The following CASP2 variants were observed in gnomAD, a reference collection of about 807,000 sequenced individuals.
CASP2 encodes caspase-2.
A neutral mutation model predicts 54.4 loss-of-function variants in CASP2; 38 were observed. That is an observed-to-expected ratio of 0.70 (90% CI 0.54 to 0.92). The LOEUF is 0.92. CASP2 is among the 40% of genes least tolerant of loss of function. The pLI is 0.00. For synonymous variants in CASP2, 215 were observed against 216.3 expected, an observed-to-expected ratio of 0.99 and a Z score of 0.05; for missense variants, 512 against 579.6, an observed-to-expected ratio of 0.88 and a Z score of 1.20.
intron 6 of CASP2, among the ~76,000 whole-genome samples, chr7:143,299,288 A>G (rs1321832656): frequency 6.6e-6 from 1 of 152,156 alleles, no homozygotes. Context: ...GTTCCAACTC[A>G]TGAAGCCAAG....
Position 143,303,814 on chromosome 7 carries a change from A to T in CASP2, c.998A>T (p.Asp333Val), listed in dbSNP as rs1205166028. The T allele has an allele frequency of 6.2e-7, 1 of 1,613,856 alleles. No individual in the cohort carries two copies. Among genetic ancestry groups the T allele is most frequent in the Non-Finnish European group, 8.5e-7 (1 of 1,179,944 alleles). ...DETDRGVDQQDGKNHAGSPGC... is the reference protein window; with the variant it reads ...DETDRGVDQQVGKNHAGSPGC... ...ACTGATCGTGGGGTTGACCAACAAG[A>T]TGGAAAGAACCACGCAGGATCCCCT... Residue 333 changes from aspartate (D) to valine (V), a missense_variant, in exon 9 of 11, where the codon GAT (aspartate) becomes GTT (valine). By Grantham distance (152) the Asp-to-Val change is radical. This residue lies in a region of CASP2 where 417 missense variants were observed against 495.4 expected (regional missense o/e 0.84). Coordinates refer to ENST00000310447, the MANE Select transcript of CASP2 (RefSeq NM_032982.4).
chr7:143,303,687 C>A, intron 8 of CASP2, 97 bp from the exon 9 acceptor site: 1 of 1,071,730 alleles, frequency 9.3e-7, no homozygotes, highest in Non-Finnish European at 1.4e-6. Flanking sequence ...TGGCTCTTCC[C>A]CTTCAAGGTT....
chr7:143,299,722 G>A (rs550350392), intron 6 of CASP2, among the ~76,000 whole-genome samples: 49 of 152,244 alleles, frequency 3.2e-4, no homozygotes, highest in African/African-American at 7.9e-4. Flanking sequence ...AGAATATTGT[G>A]TCTGAACTCA....
At chr7:143,300,725 CCT>C in intron 8 of CASP2, 1 of 1,193,912 alleles carries the variant, frequency 8.4e-7, no homozygotes, top group Non-Finnish European at 1.1e-6. Context: ...CATATACTTC[CCT>C]GTTTACCTAC....
intron 8 of CASP2, chr7:143,302,686 T>C (rs902209087): frequency 6.6e-6 from 1 of 152,232 alleles, no homozygotes; most frequent in Non-Finnish European, 1.5e-5. Flanking sequence ...CGACATTGCA[T>C]GGATCAGGAA....
At chr7:143,300,326 G>T (rs1421686487) in intron 8 of CASP2, 32 bp downstream of exon 8, 2 of 1,610,868 alleles carry the variant, frequency 1.2e-6, no homozygotes, top group Non-Finnish European at 1.7e-6. Flanking sequence ...CACCTGGGTG[G>T]TGGCTCCTGG....
intron 8 of CASP2, chr7:143,302,028 C>G (rs1801930019): frequency 6.6e-6 from 1 of 152,178 alleles, no homozygotes; most frequent in African/African-American, 2.4e-5. Flanking sequence ...AGGGCACTGC[C>G]TGATGCATGG....
chr7:143,304,671 C>T lies in CASP2; in HGVS notation c.1118-3C>T, dbSNP rs777797797. On this transcript the variant is annotated splice_region_variant and splice_polypyrimidine_tract_variant and intron_variant, in intron 9 of 10. Coordinates refer to ENST00000310447, the MANE Select transcript of CASP2 (RefSeq NM_032982.4). ...ACTGTGATTAATGCCCTTTTGGTTGCAGGGACTGCCGCCATGCGGAACACC... is the reference window on the plus strand; with the variant it reads ...ACTGTGATTAATGCCCTTTTGGTTGTAGGGACTGCCGCCATGCGGAACACC... 3 of 1,612,078 alleles carry T rather than the reference C, an allele frequency of 1.9e-6. No homozygotes were observed. The highest frequency in any genetic ancestry group is 1.7e-5 in the Admixed American group (1 of 60,016).
At chr7:143,301,869 G>A (rs900521651) in intron 8 of CASP2, 2 of 152,212 alleles carry the variant, frequency 1.3e-5, no homozygotes, top group Non-Finnish European at 2.9e-5. Flanking sequence ...GACATCAGCA[G>A]GTAAAAGTAA....
chr7:143,294,451 A>C, intron 5 of CASP2, 127 bp downstream of exon 5: 1 of 1,032,746 alleles, frequency 9.7e-7, no homozygotes, highest in Non-Finnish European at 1.5e-6. Flanking sequence ...TACTGGTTAA[A>C]TGCCTTCTGT....
chr7:143,303,929 C>T lies in CASP2; in HGVS notation c.1113C>T (p.Leu371=). The change falls in exon 9 of 11, where the codon CTC becomes CTT. Residue 371 remains leucine, a synonymous_variant. Transcript: ENST00000310447. ...ACATGATATGCGGCTATGCCTGCCT[C>T]AAAGGTACTTTGAGTTCCAAAAGAG... is the stretch of plus-strand genomic sequence containing the variant. ...RSDMICGYAC[L]KGTAAMRNTK... 1.3e-6 allele frequency: 2 copies of T among 1,591,042 alleles called. No homozygotes were observed. The highest frequency in any genetic ancestry group is 1.7e-6 in the Non-Finnish European group (2 of 1,168,176).
intron 6 of CASP2, among the ~76,000 whole-genome samples, chr7:143,295,336 ATTC>A (rs1217919407): frequency 2.6e-5 from 4 of 152,180 alleles, no homozygotes; most frequent in Non-Finnish European, 5.9e-5. Context: ...CTGGGAAAGT[ATTC>A]TTAACATTTG....
intron 5 of CASP2, 123 bp downstream of exon 5, chr7:143,294,447 T>C (rs1354337117): frequency 1.4e-5 from 14 of 1,022,932 alleles, no homozygotes; most frequent in Admixed American, 5.1e-5. Flanking sequence ...TTGTTACTGG[T>C]TAAATGCCTT....
At chr7:143,299,055 G>A (rs140835889) in intron 6 of CASP2, among the ~76,000 whole-genome samples, 9 of 151,922 alleles carry the variant, frequency 5.9e-5, no homozygotes, top group African/African-American at 1.9e-4. Flanking sequence ...AACTTCCTAG[G>A]CTCCAGTGAT....
Position 143,292,287 on chromosome 7 carries a change from T to G in CASP2, c.226-13T>G. 1 of 1,613,750 alleles carries G rather than the reference T, an allele frequency of 6.2e-7. No homozygotes were observed. The highest frequency in any genetic ancestry group is 8.5e-7 in the Non-Finnish European group (1 of 1,179,638). ...AAGTAAATATGATTTCATGTTTTAT[T>G]CTTGTGTCTTAGGCCAAAGTGGGCA... On this transcript the variant is annotated splice_polypyrimidine_tract_variant and intron_variant, in intron 2 of 10. Transcript: ENST00000310447.
chr7:143,297,635 CAG>C (rs1470202425), intron 6 of CASP2, among the ~76,000 whole-genome samples: 1 of 151,950 alleles, frequency 6.6e-6, no homozygotes, highest in Non-Finnish European at 1.5e-5. Flanking sequence ...TTAGTAGAGA[CAG>C]GGTTTCATCA....
rs113837507 is a variant in CASP2, at chr7:143,292,437, C to T, written c.363C>T (p.Thr121=). ...QGHLEDMLLT[T]LSGLQHVLPP... Reference sequence around the variant, plus strand: ...ACCTGGAGGATATGTTGCTCACCACCCTTTCTGGGCTTCAGCATGTACTCC... The same window carrying T: ...ACCTGGAGGATATGTTGCTCACCACTCTTTCTGGGCTTCAGCATGTACTCC... Residue 121 remains threonine (T), a synonymous_variant, in exon 3 of 11, where the codon ACC becomes ACT. Transcript: ENST00000310447. 6.8e-6 allele frequency: 11 copies of T among 1,614,110 alleles called. No individual in the cohort carries two copies. The African/African-American group carries it at 1.5e-4, about 22-fold the overall frequency.
In CASP2 at chr7:143,288,381, T is replaced by G; in HGVS notation, c.-75T>G. 2.8e-6 allele frequency: 4 copies of G among 1,427,596 alleles called. No individual in the cohort carries two copies. The highest frequency in any genetic ancestry group is 3.9e-6 in the Non-Finnish European group (4 of 1,022,112). 88.4% of individuals were successfully genotyped at this position (1,427,596 alleles called of 1,614,324 possible). A position where few individuals can be genotyped will look rare whatever the true frequency, so the allele number is the denominator to read the frequency against. On this transcript the variant is annotated 5_prime_UTR_variant, in exon 1 of 11. The change abolishes an upstream ATG in the 5' untranslated region. Coordinates refer to ENST00000310447, the MANE Select transcript of CASP2 (RefSeq NM_032982.4). Reference sequence around the variant, plus strand: ...GTGCGTCCGCGTCTGAGGGGAGGGATGTGGGGGAAGCGACGGCCCCCGGTT... The same window carrying G: ...GTGCGTCCGCGTCTGAGGGGAGGGAGGTGGGGGAAGCGACGGCCCCCGGTT...
At chr7:143,298,606 G>T (rs538505044) in intron 6 of CASP2, 1 of 152,172 alleles carries the variant, frequency 6.6e-6, no homozygotes, top group East Asian at 1.9e-4. Context: ...AGGCTGTAGT[G>T]TGCTATGCTG....
Sources: allele counts gnomAD v4.1 joint callset (sites outside exome capture counted in the v4.1 genomes callset), GRCh38; gene constraint gnomAD v4.1.1; regional missense constraint gnomAD v4.1.1; transcripts MANE v1.5; gene names NCBI Gene and HGNC (gene_info 2026-07-23, HGNC 2026-07-21).